CEP128: variants seen among roughly 807,000 people sequenced by gnomAD.
CEP128 encodes centrosomal protein 128kDa.
In CEP128, 132 loss-of-function variants were observed where a neutral mutation model predicts 156.7. That is an observed-to-expected ratio of 0.84 (90% CI 0.73 to 0.97). The LOEUF is 0.97. Among genes scored for constraint, CEP128 ranks in the 50% least tolerant of loss-of-function variants. The probability of loss-of-function intolerance (pLI) is 0.00; values close to 1 mark genes in which losing one functional copy is unlikely to be tolerated. For missense variants in CEP128, 1,252 were observed against 1,281.9 expected (o/e 0.98, Z 0.36); for synonymous variants, 469 against 448.9 (o/e 1.04, Z -0.57).
chr14:80,554,643 T>C (rs1324679169), intron 21 of CEP128, among the ~76,000 whole-genome samples: 1 of 152,124 alleles, frequency 6.6e-6, no homozygotes, highest in Non-Finnish European at 1.5e-5. Flanking sequence ...AATTAGAAAA[T>C]TATTCAGAAC....
chr14:80,584,222 C>T lies in CEP128; in HGVS notation c.2807-3799G>A, dbSNP rs574077696. Among the ~76,000 whole-genome samples, 13 of 144,990 alleles carry T rather than the reference C, an allele frequency of 9.0e-5. No individual in the cohort carries two copies. In the South Asian group the frequency reaches 2.6e-3, roughly 30 times the overall value. On this transcript the variant is annotated intron_variant, in intron 19 of 24. Transcript: ENST00000555265. ...AGTGCAGTGGCGCCATCTCGGCTCA[C>T]TGAAACCTCCACCTCCTGGGTTCAA... is the stretch of plus-strand genomic sequence containing the variant.
At chr14:80,645,598 GA>G (rs1894600519) in intron 19 of CEP128, among the ~76,000 whole-genome samples, 1 of 152,076 alleles carries the variant, frequency 6.6e-6, no homozygotes, top group Non-Finnish European at 1.5e-5. Context: ...GGAGCAAAAG[GA>G]ACTCTCATTG....
chr14:80,683,868 T>C (rs1045913003), intron 19 of CEP128, among the ~76,000 whole-genome samples: 2 of 151,950 alleles, frequency 1.3e-5, no homozygotes, highest in Admixed American at 6.6e-5. Context: ...TGAATGACTT[T>C]TGGGTAAAAA....
At chr14:80,614,876 A>G (rs1377722120) in intron 19 of CEP128, among the ~76,000 whole-genome samples, 1 of 152,222 alleles carries the variant, frequency 6.6e-6, no homozygotes, top group African/African-American at 2.4e-5. Context: ...ACTCCAGGTC[A>G]GACCACATCT....
In CEP128 at chr14:80,537,576, T is replaced by C. The variant is rs117931264; in HGVS notation, c.2881-6690A>G. The stretch of plus-strand genomic sequence containing the variant: ...CAACTGTTTTACAAGAAGGAGGGTC[T>C]TGAGATCTACAATCTACTTAATTGT... On this transcript the variant is annotated intron_variant, in intron 21 of 24. Transcript: ENST00000555265. Among the ~76,000 whole-genome samples, 1,340 of 151,284 alleles carry C rather than the reference T, an allele frequency of 8.9e-3. 10 individuals are homozygous for C. Among genetic ancestry groups the C allele is most frequent in the Non-Finnish European group, 0.013 (860 of 67,706 alleles).
intron 19 of CEP128, among the ~76,000 whole-genome samples, chr14:80,728,330 G>C (rs1029160415): frequency 6.6e-6 from 1 of 152,114 alleles, no homozygotes; most frequent in Admixed American, 6.6e-5. Flanking sequence ...TGGACACAAA[G>C]ATGGGCAACA....
intron 19 of CEP128, among the ~76,000 whole-genome samples, chr14:80,631,410 GA>G (rs988099010): frequency 1.3e-5 from 2 of 152,074 alleles, no homozygotes; most frequent in Non-Finnish European, 2.9e-5. Flanking sequence ...TACACTTACT[GA>G]AATTAAAATG....
chr14:80,547,668 CATA>C (rs1402576864), intron 21 of CEP128, among the ~76,000 whole-genome samples: 1 of 152,110 alleles, frequency 6.6e-6, no homozygotes, highest in Non-Finnish European at 1.5e-5. Flanking sequence ...ATAAATATCT[CATA>C]CATAATATAA....
intron 18 of CEP128, among the ~76,000 whole-genome samples, chr14:80,750,298 G>T (rs935787486): frequency 6.6e-6 from 1 of 152,152 alleles, no homozygotes; most frequent in African/African-American, 2.4e-5. Context: ...GAATGGACTG[G>T]ACCGTGTCAA....
chr14:80,584,150 T>TTC (rs1422957429), intron 19 of CEP128, among the ~76,000 whole-genome samples: 2 of 110,874 alleles, frequency 1.8e-5, no homozygotes, highest in African/African-American at 8.3e-5. Context: ...CATTTTTTTT[T>TTC]TTTTTTTTTT....
chr14:80,631,722 T>C (rs1893967840), intron 19 of CEP128, among the ~76,000 whole-genome samples: 1 of 152,098 alleles, frequency 6.6e-6, no homozygotes, highest in East Asian at 1.9e-4. Flanking sequence ...TTCAATTTCA[T>C]AAACATTCTC....
chr14:80,925,577 A>C (rs1339125274), intron 2 of CEP128, among the ~76,000 whole-genome samples: 1 of 152,046 alleles, frequency 6.6e-6, no homozygotes, highest in African/African-American at 2.4e-5. Flanking sequence ...AAAGTGTTGG[A>C]AGGGTTTTTT....
chr14:80,758,343 G>A (rs1280229948), intron 17 of CEP128, among the ~76,000 whole-genome samples: 1 of 152,128 alleles, frequency 6.6e-6, no homozygotes, highest in Admixed American at 6.6e-5. Context: ...CCAACATGGT[G>A]AAACTCTGTC....
At chr14:80,543,931 T>G (rs1249309315) in intron 21 of CEP128, among the ~76,000 whole-genome samples, 1 of 152,176 alleles carries the variant, frequency 6.6e-6, no homozygotes, top group Non-Finnish European at 1.5e-5. Context: ...CACACAACTT[T>G]GGACACTTCG....
At chr14:80,855,212 G>T (rs1423496886) in intron 9 of CEP128, among the ~76,000 whole-genome samples, 1 of 152,054 alleles carries the variant, frequency 6.6e-6, no homozygotes, top group East Asian at 1.9e-4. Context: ...TGGTTTGAGG[G>T]CTCTGACACC....
intron 19 of CEP128, among the ~76,000 whole-genome samples, chr14:80,728,928 G>A (rs762508359): frequency 6.6e-6 from 1 of 152,152 alleles, no homozygotes; most frequent in South Asian, 2.1e-4. Flanking sequence ...CCAACGCGGA[G>A]TCACAGAATC....
At chr14:80,715,078 C>T (rs1897554794) in intron 19 of CEP128, among the ~76,000 whole-genome samples, 1 of 151,982 alleles carries the variant, frequency 6.6e-6, no homozygotes, top group Admixed American at 6.6e-5. Flanking sequence ...CAAAAATTAG[C>T]TGGGAGTGGT....
chr14:80,524,834 ATTC>A (rs1888906459), intron 23 of CEP128, among the ~76,000 whole-genome samples: 1 of 152,184 alleles, frequency 6.6e-6, no homozygotes, highest in Non-Finnish European at 1.5e-5. Context: ...CTGCAGGTCT[ATTC>A]TATACTTGCA....
intron 19 of CEP128, among the ~76,000 whole-genome samples, chr14:80,627,438 G>T (rs1893775199): frequency 6.6e-6 from 1 of 152,230 alleles, no homozygotes; most frequent in African/African-American, 2.4e-5. Context: ...ATCACATGAA[G>T]TGTCCACCTA....
Sources: gnomAD v4.1 joint callset for allele counts (sites outside exome capture counted in the v4.1 genomes callset) on GRCh38, gnomAD v4.1.1 for gene constraint, MANE v1.5 for transcripts, NCBI Gene and HGNC (gene_info 2026-07-23, HGNC 2026-07-21) for gene names.